USP20: variants seen among roughly 807,000 people sequenced by gnomAD.
The protein encoded by USP20 is ubiquitin carboxyl-terminal hydrolase 20.
A neutral mutation model predicts 124.2 loss-of-function variants in USP20; 80 were observed. That is an observed-to-expected ratio of 0.64 (90% CI 0.54 to 0.78). The LOEUF (loss-of-function observed/expected upper bound fraction) is 0.78. Ranked by LOEUF, USP20 falls within the 30% of genes least tolerant of loss-of-function variation. The pLI, the probability that USP20 is intolerant of heterozygous loss-of-function variation, is 0.00. For synonymous variants in USP20, 481 were observed against 512.3 expected (o/e 0.94, Z 0.83); for missense variants, 1,043 against 1,244.4 (o/e 0.84, Z 2.44).
Position 129,869,055 on chromosome 9 carries a change from G to T in USP20, c.1276+53G>T, listed in dbSNP as rs534143958. 2.0e-6 allele frequency: 3 copies of T among 1,535,412 alleles called. No individual in the cohort carries two copies. In the Admixed American group the frequency reaches 6.3e-5, roughly 32 times the overall value. On this transcript the variant is annotated intron_variant, in intron 12 of 25. Coordinates refer to ENST00000372429, the MANE Select transcript of USP20 (RefSeq NM_001110303.4). ...GCTTGAGGCTGGGAGTACAGATTACGCCCGTAGCTGCCTTTCTCATGGCCC... is the reference window on the plus strand; with the variant it reads ...GCTTGAGGCTGGGAGTACAGATTACTCCCGTAGCTGCCTTTCTCATGGCCC...
intron 1 of USP20, among the ~76,000 whole-genome samples, chr9:129,849,325 G>T (rs756480090): frequency 6.6e-6 from 1 of 152,210 alleles, no homozygotes; most frequent in Non-Finnish European, 1.5e-5. Context: ...GCTGGCCCAG[G>T]AGTGATGTGG....
At chr9:129,861,093 CTGGA>C in intron 7 of USP20, 60 bp downstream of exon 7, 3 of 1,464,882 alleles carry the variant, frequency 2.0e-6, no homozygotes, top group Non-Finnish European at 2.9e-6. Context: ...CATCTGGAGG[CTGGA>C]AACCGCCAGA....
At chr9:129,844,133 C>A (rs2131035352) in intron 1 of USP20, among the ~76,000 whole-genome samples, 1 of 152,228 alleles carries the variant, frequency 6.6e-6, no homozygotes, top group East Asian at 1.9e-4. Context: ...GCAAAACACA[C>A]ATACACAAAA....
chr9:129,861,107 A>C, intron 7 of USP20, 74 bp downstream of exon 7: 1 of 1,383,906 alleles, frequency 7.2e-7, no homozygotes, highest in Non-Finnish European at 1.0e-6. Flanking sequence ...AAACCGCCAG[A>C]GTCTTGGTCT....
At chr9:129,872,405 G>A (rs560114044) in intron 15 of USP20, among the ~76,000 whole-genome samples, 1 of 152,262 alleles carries the variant, frequency 6.6e-6, no homozygotes, top group African/African-American at 2.4e-5. Flanking sequence ...TTGCTGCCTT[G>A]GCCTCCCAAA....
intron 1 of USP20, among the ~76,000 whole-genome samples, chr9:129,836,927 C>G (rs1343962770): frequency 6.6e-6 from 1 of 152,088 alleles, no homozygotes; most frequent in Non-Finnish European, 1.5e-5. Flanking sequence ...TCTGAATCTG[C>G]CCATCAAGCA....
intron 7 of USP20, 129 bp downstream of exon 7, chr9:129,861,162 T>C: frequency 2.3e-6 from 2 of 887,590 alleles, no homozygotes; most frequent in Non-Finnish European, 3.5e-6. Flanking sequence ...GGGTGACGGA[T>C]AAGCTGTTTA....
Position 129,839,302 on chromosome 9 carries a change from G to A in USP20, c.-129+3803G>A, listed in dbSNP as rs1007893265. ...TTGTGAGGGTCCAGTGAGGTCACAT[G>A]TGAGAACACCAGACTAAGATGTTAG... On this transcript the variant is annotated intron_variant, in intron 1 of 25. Transcript: ENST00000372429. This position sits in a 1 kb window ranked among gnomAD's most constrained non-coding sequence, Gnocchi z 4.5. Among the ~76,000 whole-genome samples, 1 of 152,200 alleles carries A rather than the reference G, an allele frequency of 6.6e-6. No individual in the cohort carries two copies. Among genetic ancestry groups the A allele is most frequent in the Non-Finnish European group, 1.5e-5 (1 of 68,038 alleles).
chr9:129,836,382 G>A (rs1213214943), intron 1 of USP20, among the ~76,000 whole-genome samples: 2 of 152,182 alleles, frequency 1.3e-5, no homozygotes, highest in East Asian at 3.9e-4. Context: ...TTTTACAAAT[G>A]AGAATGCGGA....
intron 17 of USP20, 91 bp from the exon 18 acceptor site, chr9:129,874,485 G>A: frequency 6.6e-7 from 1 of 1,524,464 alleles, no homozygotes; most frequent in Non-Finnish European, 8.9e-7. Flanking sequence ...CAGCTTGCAT[G>A]ATCCCATCAG....
chr9:129,865,232 C>A, intron 9 of USP20, 71 bp from the exon 10 acceptor site: 1 of 1,534,898 alleles, frequency 6.5e-7, no homozygotes, highest in Non-Finnish European at 9.0e-7. Flanking sequence ...GACGGGCTGG[C>A]TGCCTGCTTC....
rs146562769 is a variant in USP20, at chr9:129,840,538, A to C, written c.-129+5039A>C. On this transcript the variant is annotated intron_variant, in intron 1 of 25. Coordinates refer to ENST00000372429, the MANE Select transcript of USP20 (RefSeq NM_001110303.4). ...AAAGTCAAACTTAAGAAAAATTACA[A>C]GAATACAATGAACTCCCACATACCC... Among the ~76,000 whole-genome samples, 188 of 152,342 alleles carry C rather than the reference A, an allele frequency of 1.2e-3. 2 individuals carry two copies. Among genetic ancestry groups the C allele is most frequent in the Non-Finnish European group, 1.5e-3 (99 of 68,026 alleles).
At chr9:129,873,405 A>T (rs372527135) in intron 15 of USP20, 77 bp from the exon 16 acceptor site, 4 of 1,568,030 alleles carry the variant, frequency 2.6e-6, no homozygotes, top group Non-Finnish European at 3.5e-6. Flanking sequence ...CTTAAGCAGA[A>T]ATCATTATAG....
intron 1 of USP20, among the ~76,000 whole-genome samples, chr9:129,840,517 T>G (rs1460728604): frequency 6.6e-6 from 1 of 152,150 alleles, no homozygotes; most frequent in Non-Finnish European, 1.5e-5. Flanking sequence ...TTTTAAAAAG[T>G]CAAACTTAAG....
chr9:129,853,451 T>C (rs982505694), intron 3 of USP20, among the ~76,000 whole-genome samples: 9 of 152,230 alleles, frequency 5.9e-5, no homozygotes, highest in Admixed American at 1.3e-4. Flanking sequence ...CTCTTGCCGA[T>C]ACACATGATG....
rs1564213970 is a variant in USP20 at position 129,868,383 on chromosome 9, C to T, written c.1069C>T (p.Leu357Phe). 3.3e-6 allele frequency: 5 copies of T among 1,503,508 alleles called. No individual in the cohort carries two copies. Among genetic ancestry groups the T allele is most frequent in the Non-Finnish European group, 3.6e-6 (4 of 1,125,268 alleles). The allele number at this position is 1,503,508 out of a possible 1,614,324, so 93.1% of individuals were successfully genotyped here. Residue 357 changes from leucine to phenylalanine, a missense_variant, in exon 11 of 26, where the codon CTT becomes TTT. Leu to Phe is a conservative substitution (Grantham distance 22). Transcript: ENST00000372429. ...TGATGTGGACACTGCCATGGCTGCCCTTGACGACCAGCCCGCGGAGGCCCA... is the reference window on the plus strand; with the variant it reads ...TGATGTGGACACTGCCATGGCTGCCTTTGACGACCAGCCCGCGGAGGCCCA... ...DADVDTAMAA[L>F]DDQPAEAQPP...
chr9:129,876,282 G>T (rs775928037), intron 22 of USP20, 44 bp downstream of exon 22: 10 of 1,527,126 alleles, frequency 6.5e-6, no homozygotes, highest in East Asian at 4.8e-5. Context: ...GCCAGCCTCT[G>T]CCTGGGGCAG....
intron 3 of USP20, among the ~76,000 whole-genome samples, chr9:129,854,576 C>T (rs1459954366): frequency 6.6e-6 from 1 of 152,084 alleles, no homozygotes; most frequent in Non-Finnish European, 1.5e-5. Context: ...ATATCATACA[C>T]AGCATATAGA....
chr9:129,864,795 C>T (rs2033744074), intron 9 of USP20, among the ~76,000 whole-genome samples: 4 of 142,570 alleles, frequency 2.8e-5, no homozygotes, highest in African/African-American at 5.2e-5. Context: ...AAAAAAAACC[C>T]AGCATGGTAC....
Sources: gnomAD v4.1 joint callset for allele counts (sites outside exome capture counted in the v4.1 genomes callset) on GRCh38, gnomAD v4.1.1 for gene constraint, Gnocchi (gnomAD v3.1) non-coding constraint, MANE v1.5 for transcripts, NCBI Gene and HGNC (gene_info 2026-07-23, HGNC 2026-07-21) for gene names.